The following CHL1 variants were observed in gnomAD, a reference collection of about 807,000 sequenced individuals.
The protein encoded by CHL1 is neural cell adhesion molecule L1-like protein.
In CHL1, 96 loss-of-function variants were observed where a neutral mutation model predicts 141.9. The observed-to-expected ratio is 0.68, with a 90% CI of 0.57 to 0.80. CHL1 has a LOEUF of 0.80. Ranked by LOEUF, CHL1 falls within the 30% of genes least tolerant of loss-of-function variation. The probability of loss-of-function intolerance (pLI) is 0.00; values close to 1 mark genes in which losing one functional copy is unlikely to be tolerated. For synonymous variants in CHL1, 613 were observed against 502.2 expected (o/e 1.22, Z -2.95); for missense variants, 1,820 against 1,457.2 (o/e 1.25, Z -4.05).
chr3:339,018 G>A (rs753738526), intron 5 of CHL1, among the ~76,000 whole-genome samples: 1 of 152,124 alleles, frequency 6.6e-6, no homozygotes, highest in Non-Finnish European at 1.5e-5. Context: ...GGACTGTATA[G>A]TTTGCTTGTT....
intron 2 of CHL1, among the ~76,000 whole-genome samples, chr3:313,834 C>T (rs931539161): frequency 1.3e-5 from 2 of 152,092 alleles, no homozygotes; most frequent in African/African-American, 2.4e-5. Context: ...AATGAACAGG[C>T]ATCATGTATA....
chr3:361,304 G>C (rs1364090590), intron 12 of CHL1, among the ~76,000 whole-genome samples: 1 of 145,682 alleles, frequency 6.9e-6, no homozygotes, highest in African/African-American at 2.5e-5. Flanking sequence ...TCAGGACATA[G>C]GCATGGGCAA....
intron 2 of CHL1, among the ~76,000 whole-genome samples, chr3:306,878 C>T (rs1338731578): frequency 6.6e-6 from 1 of 152,166 alleles, no homozygotes; most frequent in Admixed American, 6.5e-5. Flanking sequence ...ATGACCATCC[C>T]TGTCACTACA....
rs200045243 is a variant in CHL1 at position 328,173 on chromosome 3, G to A, written c.204G>A (p.Ser68=). Reference sequence around the variant, plus strand: ...GTTCAGTTTTATGTTTTAGATTTTCGTGGACTAAGGATGGCAACCCTTTTT... The same window carrying A: ...GTTCAGTTTTATGTTTTAGATTTTCATGGACTAAGGATGGCAACCCTTTTT... ...EAKGNPEPTF[S]WTKDGNPFYF... The change falls in exon 5 of 28, where the codon TCG becomes TCA. Residue 68 remains serine, a synonymous_variant. Coordinates refer to ENST00000256509, the MANE Select transcript of CHL1 (RefSeq NM_006614.4). The A allele has an allele frequency of 4.2e-4, 675 of 1,600,010 alleles. 1 individual carries two copies. The highest frequency in any genetic ancestry group is 1.1e-4 in the Non-Finnish European group (134 of 1,172,698).
intron 5 of CHL1, among the ~76,000 whole-genome samples, chr3:339,255 AG>A (rs1702175597): frequency 6.6e-6 from 1 of 152,208 alleles, no homozygotes; most frequent in Non-Finnish European, 1.5e-5. Flanking sequence ...TATGTCTATA[AG>A]GTGTACTTTC....
intron 9 of CHL1, 68 bp downstream of exon 9, chr3:344,777 AT>A (rs1480248946): frequency 7.0e-7 from 1 of 1,425,810 alleles, no homozygotes; most frequent in African/African-American, 1.5e-5. Flanking sequence ...CATCAAGCAC[AT>A]TAAGACTGTG....
intron 1 of CHL1, among the ~76,000 whole-genome samples, chr3:211,158 C>G (rs1412137654): frequency 1.3e-5 from 2 of 152,178 alleles, no homozygotes. Flanking sequence ...CTCAAGGCTT[C>G]ACTCTTGAGG....
At chr3:374,182 C>T (rs1706006185) in intron 15 of CHL1, 1 of 152,024 alleles carries the variant, frequency 6.6e-6, no homozygotes, top group Non-Finnish European at 1.5e-5. Context: ...AGGCATTGGT[C>T]TCAGCCTTGG....
intron 2 of CHL1, among the ~76,000 whole-genome samples, chr3:288,510 CCTCTGAGTCTGT>C (rs1298930193): frequency 6.6e-6 from 1 of 152,054 alleles, no homozygotes; most frequent in Non-Finnish European, 1.5e-5. Context: ...ATCTACTGTT[CCTCTGAGTCTGT>C]CTTTTGGCTC....
chr3:393,761 A>G (rs1423996900), intron 23 of CHL1, among the ~76,000 whole-genome samples: 1 of 152,140 alleles, frequency 6.6e-6, no homozygotes, highest in African/African-American at 2.4e-5. Context: ...ATTCACAATT[A>G]TGTGTTCAAA....
intron 15 of CHL1, among the ~76,000 whole-genome samples, chr3:366,835 C>T (rs202158259): frequency 2.0e-4 from 31 of 152,348 alleles, no homozygotes; most frequent in East Asian, 5.8e-4. Flanking sequence ...TGGTACTACT[C>T]GTGAGTCCTG....
chr3:273,737 T>A (rs2125256394), intron 2 of CHL1, among the ~76,000 whole-genome samples: 1 of 152,318 alleles, frequency 6.6e-6, no homozygotes, highest in South Asian at 2.1e-4. Flanking sequence ...TTCTTATTTT[T>A]AAGTTATAAT....
intron 26 of CHL1, among the ~76,000 whole-genome samples, chr3:400,259 T>C (rs887650878): frequency 1.3e-5 from 2 of 152,210 alleles, no homozygotes; most frequent in African/African-American, 4.8e-5. Context: ...TTCTAGGTTT[T>C]TGTAAAATGA....
chr3:355,106 C>A (rs994415339), intron 11 of CHL1, among the ~76,000 whole-genome samples: 5 of 152,130 alleles, frequency 3.3e-5, no homozygotes, highest in African/African-American at 1.2e-4. Flanking sequence ...AGAAACAGAA[C>A]AGTAGCCTAG....
At position 328,590 on chromosome 3, in the gene CHL1, T is replaced by C; in HGVS notation, c.385+236T>C. ...ACCTTATATCTAACATGGAAAAATA[T>C]AATATCTGCTTTGCCTTATAAGATG... On this transcript the variant is annotated intron_variant, in intron 5 of 27. Transcript: ENST00000256509. The C allele has an allele frequency of 1.4e-5, 5 of 354,130 alleles. No homozygotes were observed. In the South Asian group the frequency reaches 3.9e-4, roughly 28 times the overall value. The allele number at this position is 354,130 out of a possible 1,614,324, so 21.9% of individuals were successfully genotyped here. A position where few individuals can be genotyped will look rare whatever the true frequency, so the allele number is the denominator to read the frequency against.
At chr3:268,551 G>GTAAAATAAAA (rs555522110) in intron 2 of CHL1, among the ~76,000 whole-genome samples, 62 of 151,594 alleles carry the variant, frequency 4.1e-4, no homozygotes, top group African/African-American at 1.4e-3. Flanking sequence ...ATAAAATAAA[G>GTAAAATAAAA]TAAAATAAAA....
At chr3:293,384 TC>T (rs1192468155) in intron 2 of CHL1, among the ~76,000 whole-genome samples, 1 of 152,020 alleles carries the variant, frequency 6.6e-6, no homozygotes, top group East Asian at 1.9e-4. Context: ...GTGCCTGTAG[TC>T]CCAGCTACTC....
rs148915908 is a variant in CHL1 at position 349,447 on chromosome 3, A to G, written c.937A>G (p.Ile313Val). The G allele has an allele frequency of 6.2e-7, 1 of 1,613,774 alleles. No individual in the cohort carries two copies. The highest frequency in any genetic ancestry group is 1.3e-5 in the African/African-American group (1 of 74,920). Residue 313 changes from isoleucine (I) to valine (V), a missense_variant, in exon 10 of 28, where the codon ATA (isoleucine) becomes GTA (valine). By Grantham distance (29) the Ile-to-Val change is conservative (BLOSUM62 3). Transcript: ENST00000256509. ...TKENYGKTLK[I>V]ENVSYQDKGN... ...AGAAAATTATGGCAAGACTTTGAAGATAGAGAATGTCTCCTACCAGGACAA... is the reference window on the plus strand; with the variant it reads ...AGAAAATTATGGCAAGACTTTGAAGGTAGAGAATGTCTCCTACCAGGACAA...
At chr3:315,966 T>A (rs1402298010) in intron 2 of CHL1, among the ~76,000 whole-genome samples, 1 of 151,972 alleles carries the variant, frequency 6.6e-6, no homozygotes, top group African/African-American at 2.4e-5. Flanking sequence ...GCACTATATT[T>A]TATAGACAGG....
Sources: allele counts gnomAD v4.1 joint callset (sites outside exome capture counted in the v4.1 genomes callset), GRCh38; gene constraint gnomAD v4.1.1; transcripts MANE v1.5; gene names NCBI Gene and HGNC (gene_info 2026-07-23, HGNC 2026-07-21).